MFSD6: variants seen among roughly 807,000 people sequenced by gnomAD.
MFSD6 encodes major facilitator superfamily domain containing 6, also known as major facilitator superfamily domain-containing protein 6.
MFSD6 carries 26 observed loss-of-function variants against 56.3 expected under a neutral mutation model. The observed-to-expected ratio is 0.46, with a 90% CI of 0.34 to 0.64. The LOEUF (loss-of-function observed/expected upper bound fraction) is 0.64. Ranked by LOEUF, MFSD6 falls within the 30% of genes least tolerant of loss-of-function variation. MFSD6 has a pLI of 0.01. For missense variants in MFSD6, 750 were observed against 986.2 expected (o/e 0.76, Z 3.21); for synonymous variants, 331 against 366.9 (o/e 0.90, Z 1.12).
chr2:190,420,798 A>G (rs1685581651), intron 2 of MFSD6, among the ~76,000 whole-genome samples: 1 of 152,180 alleles, frequency 6.6e-6, no homozygotes, highest in Non-Finnish European at 1.5e-5. Flanking sequence ...CCTTTTTACC[A>G]AAATCTAAAT....
chr2:190,432,420 GT>G (rs1285326544), intron 2 of MFSD6, among the ~76,000 whole-genome samples: 1 of 152,062 alleles, frequency 6.6e-6, no homozygotes, highest in Non-Finnish European at 1.5e-5. Flanking sequence ...TTTCTTGTTT[GT>G]TTTTGTTTTT....
In MFSD6 at chr2:190,416,855, G is replaced by A. The variant is rs2124988229; in HGVS notation, c.-54+1442G>A. On this transcript the variant is annotated intron_variant, in intron 2 of 7. Coordinates refer to ENST00000392328, the MANE Select transcript of MFSD6 (RefSeq NM_017694.4). The surrounding 1 kb of genome is among the most constrained non-coding windows in gnomAD (Gnocchi z 4.1). ...GAGGCACTGATTTATCAAAGCCAGG[G>A]GGATGCAACTGGGACTTCTTTTGAC... is the stretch of plus-strand genomic sequence containing the variant. Among the ~76,000 whole-genome samples, 1 of 152,152 alleles carries A rather than the reference G, an allele frequency of 6.6e-6. No homozygotes were observed. Among genetic ancestry groups the A allele is most frequent in the South Asian group, 2.1e-4 (1 of 4,818 alleles).
intron 3 of MFSD6, chr2:190,444,739 A>T: frequency 5.5e-6 from 1 of 180,584 alleles, no homozygotes; most frequent in Non-Finnish European, 1.1e-5. Flanking sequence ...AATTTATATC[A>T]TCTTGTGTAA....
At chr2:190,482,424 A>T (rs1688726398) in intron 4 of MFSD6, among the ~76,000 whole-genome samples, 1 of 151,028 alleles carries the variant, frequency 6.6e-6, no homozygotes, top group Admixed American at 6.6e-5. Context: ...TAATCCCAGA[A>T]CTAATTGAAA....
rs1418415858 is a variant in MFSD6, at chr2:190,418,315, G to A, written c.-54+2902G>A. ...AGTGTTACTTAAGTGTTATTGTATT[G>A]TAGTTGGTAATAATATGATAGTATA... On this transcript the variant is annotated intron_variant, in intron 2 of 7. Transcript: ENST00000392328. This position sits in a 1 kb window ranked among gnomAD's most constrained non-coding sequence, Gnocchi z 4.1. Among the ~76,000 whole-genome samples, 1 of 152,170 alleles carries A rather than the reference G, an allele frequency of 6.6e-6. No homozygotes were observed. The highest frequency in any genetic ancestry group is 6.5e-5 in the Admixed American group (1 of 15,278).
In MFSD6 at chr2:190,457,888, C is replaced by A. The variant is rs186383530; in HGVS notation, c.1533-11870C>A. On this transcript the variant is annotated intron_variant, in intron 3 of 7. Coordinates refer to ENST00000392328, the MANE Select transcript of MFSD6 (RefSeq NM_017694.4). The surrounding 1 kb of genome is among the most constrained non-coding windows in gnomAD (Gnocchi z 5.1). ...CCCATTTTAAAACCAGATTAATTAG[C>A]ACTGTTTGTAAAAGGTTTTCATTTG... 2.6e-5 allele frequency among the ~76,000 whole-genome samples: 4 copies of A among 152,290 alleles called. No individual in the cohort carries two copies. The East Asian group carries it at 7.7e-4, about 29-fold the overall frequency.
rs924115335 is a variant in MFSD6 at position 190,417,759 on chromosome 2, T to G, written c.-54+2346T>G. Among the ~76,000 whole-genome samples the G allele has an allele frequency of 1.3e-5, 2 of 152,126 alleles. No individual in the cohort carries two copies. Among genetic ancestry groups the G allele is most frequent in the Admixed American group, 1.3e-4 (2 of 15,270 alleles). ...CTCTACCCTGGAATAGTTTTCCCACTCATCTTTGCCTGTGAATCCTGCCCA... is the reference window on the plus strand; with the variant it reads ...CTCTACCCTGGAATAGTTTTCCCACGCATCTTTGCCTGTGAATCCTGCCCA... On this transcript the variant is annotated intron_variant, in intron 2 of 7. Coordinates refer to ENST00000392328, the MANE Select transcript of MFSD6 (RefSeq NM_017694.4). The surrounding 1 kb of genome is among the most constrained non-coding windows in gnomAD (Gnocchi z 5.7).
At position 190,410,733 on chromosome 2, in the gene MFSD6, A is replaced by G. The variant is rs1003448738; in HGVS notation, c.-176+2230A>G. On this transcript the variant is annotated intron_variant, in intron 1 of 7. Transcript: ENST00000392328. This position sits in a 1 kb window ranked among gnomAD's most constrained non-coding sequence, Gnocchi z 4.4. ...TGTGTGTCTGCTAGCTATTTTGCAC[A>G]TTGGCTGAAAAATCAAGATGCTGTA... 6.6e-6 allele frequency among the ~76,000 whole-genome samples: 1 copy of G among 152,222 alleles called. No individual in the cohort carries two copies. The highest frequency in any genetic ancestry group is 2.1e-4 in the South Asian group (1 of 4,822).
At chr2:190,474,177 C>A (rs1416254535) in intron 4 of MFSD6, among the ~76,000 whole-genome samples, 1 of 148,850 alleles carries the variant, frequency 6.7e-6, no homozygotes, top group African/African-American at 2.4e-5. Context: ...AGAGCAAACA[C>A]ATTCAAAAGC....
chr2:190,422,327 C>A (rs1212808882), intron 2 of MFSD6, among the ~76,000 whole-genome samples: 1 of 152,146 alleles, frequency 6.6e-6, no homozygotes, highest in African/African-American at 2.4e-5. Flanking sequence ...TTCCTGGGAT[C>A]TCCAGTTCTG....
chr2:190,484,111 T>C (rs1260715092), intron 4 of MFSD6, among the ~76,000 whole-genome samples: 1 of 152,088 alleles, frequency 6.6e-6, no homozygotes. Flanking sequence ...TTATGTGAGT[T>C]GGTATTGAAT....
rs1688975182 is a variant in MFSD6 at position 190,485,751 on chromosome 2, T to C, written c.1631-2906T>C. Among the ~76,000 whole-genome samples the C allele has an allele frequency of 6.6e-6, 1 of 152,018 alleles. No individual in the cohort carries two copies. The highest frequency in any genetic ancestry group is 6.6e-5 in the Admixed American group (1 of 15,250). The stretch of plus-strand genomic sequence containing the variant: ...AAAGCAAACACGTTATTTGACTTCT[T>C]AGGAAATTAACTGTGTATGCTACTG... On this transcript the variant is annotated intron_variant, in intron 4 of 7. Coordinates refer to ENST00000392328, the MANE Select transcript of MFSD6 (RefSeq NM_017694.4). The surrounding 1 kb of genome is among the most constrained non-coding windows in gnomAD (Gnocchi z 5.1).
In MFSD6 at chr2:190,488,509, TA is replaced by T; in HGVS notation, c.1631-143del. 2 of 738,822 alleles carry T rather than the reference TA, an allele frequency of 2.7e-6. No homozygotes were observed. The highest frequency in any genetic ancestry group is 4.0e-6 in the Non-Finnish European group (2 of 502,440). The allele number at this position is 738,822 out of a possible 1,614,324, so 45.8% of individuals were successfully genotyped here. On this transcript the variant is annotated intron_variant, in intron 4 of 7. Coordinates refer to ENST00000392328, the MANE Select transcript of MFSD6 (RefSeq NM_017694.4). This position sits in a 1 kb window ranked among gnomAD's most constrained non-coding sequence, Gnocchi z 6.4. Reference sequence around the variant, plus strand: ...ACTCAGTGCCACTGAACCGTACATTTAAAAATGTGAAAATGGTAAATTTTTA... The same window carrying T: ...ACTCAGTGCCACTGAACCGTACATTTAAAATGTGAAAATGGTAAATTTTTA...
At chr2:190,475,035 C>G (rs898563375) in intron 4 of MFSD6, among the ~76,000 whole-genome samples, 21 of 152,294 alleles carry the variant, frequency 1.4e-4, no homozygotes, top group East Asian at 1.4e-3. Context: ...TAAAAACTCT[C>G]AATAAATTAG....
chr2:190,493,006 A>G (rs916744416), intron 6 of MFSD6, among the ~76,000 whole-genome samples: 1 of 152,136 alleles, frequency 6.6e-6, no homozygotes, highest in Non-Finnish European at 1.5e-5. Flanking sequence ...AAATAACACA[A>G]TGATTGGAAT....
intron 2 of MFSD6, among the ~76,000 whole-genome samples, chr2:190,421,892 A>C (rs1685629704): frequency 6.6e-6 from 1 of 152,176 alleles, no homozygotes; most frequent in African/African-American, 2.4e-5. Flanking sequence ...ATTTAAAGAC[A>C]CTAGATAATA....
Position 190,433,971 on chromosome 2 carries a change from A to G in MFSD6, c.-53-2006A>G, listed in dbSNP as rs1009382794. 1.3e-5 allele frequency among the ~76,000 whole-genome samples: 2 copies of G among 152,154 alleles called. No homozygotes were observed. The highest frequency in any genetic ancestry group is 2.9e-5 in the Non-Finnish European group (2 of 68,022). ...TTTGGGAGGCTGAGGCAAGAGGATC[A>G]CTTGAGCCCAGGAGTTGGAGAACGG... On this transcript the variant is annotated intron_variant, in intron 2 of 7. Transcript: ENST00000392328. The surrounding 1 kb of genome is among the most constrained non-coding windows in gnomAD (Gnocchi z 4.5).
At chr2:190,432,457 C>G (rs1183889316) in intron 2 of MFSD6, among the ~76,000 whole-genome samples, 3 of 152,156 alleles carry the variant, frequency 2.0e-5, no homozygotes, top group Non-Finnish European at 4.4e-5. Flanking sequence ...CTCCGTCACC[C>G]AGGCTGGAGA....
chr2:190,432,846 T>A (rs762406425), intron 2 of MFSD6, among the ~76,000 whole-genome samples: 180 of 124,528 alleles, frequency 1.4e-3, no homozygotes, highest in African/African-American at 9.0e-4. Flanking sequence ...ACACACTCTC[T>A]CTCTCTCTCT....
Sources: allele counts gnomAD v4.1 joint callset (sites outside exome capture counted in the v4.1 genomes callset), GRCh38; gene constraint gnomAD v4.1.1; non-coding constraint Gnocchi (gnomAD v3.1); transcripts MANE v1.5; gene names NCBI Gene and HGNC (gene_info 2026-07-23, HGNC 2026-07-21).